Variants in SLC9B1 observed in about 807,000 individuals in gnomAD.
SLC9B1 encodes solute carrier family 9 member B1.
A neutral mutation model predicts 51.7 loss-of-function variants in SLC9B1; 32 were observed. That is an observed-to-expected ratio of 0.62 (90% CI 0.47 to 0.83). The LOEUF (loss-of-function observed/expected upper bound fraction) is 0.83, where lower values mean the gene tolerates loss of function less well. Among genes scored for constraint, SLC9B1 ranks in the 40% least tolerant of loss-of-function variants. The probability of loss-of-function intolerance (pLI) is 0.00; values close to 1 mark genes in which losing one functional copy is unlikely to be tolerated. For synonymous variants in SLC9B1, 145 were observed against 212.7 expected (o/e 0.68, Z 2.77); for missense variants, 406 against 613.2 (o/e 0.66, Z 3.57).
At chr4:102,901,898 C>T (rs942360456) in intron 11 of SLC9B1, among the ~76,000 whole-genome samples, 1 of 152,152 alleles carries the variant, frequency 6.6e-6, no homozygotes, top group Non-Finnish European at 1.5e-5. Flanking sequence ...ACTCTCTAAC[C>T]TTCTACTTAC....
chr4:102,907,096 C>G (rs986208125), intron 9 of SLC9B1, among the ~76,000 whole-genome samples: 2 of 152,154 alleles, frequency 1.3e-5, no homozygotes, highest in Non-Finnish European at 2.9e-5. Context: ...AAAAACTGAG[C>G]ACTTCAATAG....
chr4:102,893,281 C>CAAAAAAAAAAAAAAAAAAAAAAAAAAAAA, intron 11 of SLC9B1, among the ~76,000 whole-genome samples: 1 of 35,168 alleles, frequency 2.8e-5, no homozygotes, highest in East Asian at 1.1e-3. Context: ...GACTCCATCT[C>CAAAAAAAAAAAAAAAAAAAAAAAAAAAAA]AAAAAAAAAA....
At chr4:102,998,030 T>C (rs1251811973) in intron 1 of SLC9B1, among the ~76,000 whole-genome samples, 3 of 152,156 alleles carry the variant, frequency 2.0e-5, no homozygotes, top group African/African-American at 7.2e-5. Context: ...AAATTTACCA[T>C]TTTAACCACT....
chr4:102,945,181 G>A lies in SLC9B1; in HGVS notation c.653+12C>T, dbSNP rs1737206433. The A allele has an allele frequency of 1.3e-6, 2 of 1,556,264 alleles. No individual in the cohort carries two copies. The highest frequency in any genetic ancestry group is 8.7e-7 in the Non-Finnish European group (1 of 1,151,196). ...TGAATATTTTCATAAGAAAAAATGA[G>A]AAAGAAATTACCCTAATAGAAATGC... On this transcript the variant is annotated intron_variant, in intron 6 of 11. Transcript: ENST00000296422.
At chr4:102,944,856 T>C (rs1254234483) in intron 6 of SLC9B1, among the ~76,000 whole-genome samples, 1 of 152,118 alleles carries the variant, frequency 6.6e-6, no homozygotes, top group African/African-American at 2.4e-5. Flanking sequence ...TACACATACA[T>C]ATATATGAAA....
chr4:102,928,305 G>C (rs1247292186), intron 7 of SLC9B1, among the ~76,000 whole-genome samples: 10 of 152,136 alleles, frequency 6.6e-5, no homozygotes, highest in African/African-American at 2.2e-4. Flanking sequence ...TAAATCTCTA[G>C]GGCAGGGGCA....
intron 3 of SLC9B1, among the ~76,000 whole-genome samples, chr4:102,971,678 C>CA (rs1738767639): frequency 6.6e-6 from 1 of 151,998 alleles, no homozygotes; most frequent in African/African-American, 2.4e-5. Flanking sequence ...AAAAACCCTT[C>CA]AAAAAATCAA....
chr4:102,949,308 T>C lies in SLC9B1; in HGVS notation c.331A>G (p.Ile111Val). The C allele has an allele frequency of 1.9e-6, 3 of 1,608,234 alleles. No individual in the cohort carries two copies. The South Asian group carries it at 3.3e-5, about 18-fold the overall frequency. The change falls in exon 4 of 12, where the codon ATT becomes GTT. Residue 111 changes from isoleucine to valine, a missense_variant. By Grantham distance (29) the Ile-to-Val change is conservative. This residue lies in a region of SLC9B1 where 250 missense variants were observed against 394.1 expected (regional missense o/e 0.63). Coordinates refer to ENST00000296422, the MANE Select transcript of SLC9B1 (RefSeq NM_139173.4). The part of the protein sequence containing the change: ...IFYSAIIGGK[I>V]LQLIRIPLVP... Reference sequence around the variant, plus strand: ...AAAGGTATTCTAATGAGTTGTAAAATTTTTCCCCCAATAATGGCACTATAA... The same window carrying C: ...AAAGGTATTCTAATGAGTTGTAAAACTTTTCCCCCAATAATGGCACTATAA...
intron 3 of SLC9B1, among the ~76,000 whole-genome samples, chr4:102,978,515 A>G (rs1386146323): frequency 6.6e-6 from 1 of 152,234 alleles, no homozygotes; most frequent in Non-Finnish European, 1.5e-5. Flanking sequence ...GGATATGAAC[A>G]GACTTCTCAA....
At chr4:102,898,373 A>G (rs918885934), downstream of SLC9B1, 5 of 254,524 alleles carry the variant, frequency 2.0e-5, no homozygotes, top group African/African-American at 1.2e-4. Flanking sequence ...TGAACTTTAC[A>G]TACCAAGCAA....
At chr4:102,987,893 A>G (rs1319273345) in intron 3 of SLC9B1, among the ~76,000 whole-genome samples, 1 of 151,822 alleles carries the variant, frequency 6.6e-6, no homozygotes, top group Non-Finnish European at 1.5e-5. Flanking sequence ...CCTGTGACTC[A>G]CTTCTCTGAT....
At chr4:102,963,731 C>G (rs919645184) in intron 3 of SLC9B1, among the ~76,000 whole-genome samples, 2 of 151,638 alleles carry the variant, frequency 1.3e-5, no homozygotes, top group Non-Finnish European at 2.9e-5. Context: ...TTTCCCCCAG[C>G]CTATTTTTAT....
intron 11 of SLC9B1, chr4:102,885,485 C>A: frequency 7.6e-7 from 1 of 1,315,494 alleles, no homozygotes; most frequent in Non-Finnish European, 1.1e-6. Context: ...GATTGTTTCG[C>A]CTCTTAAATC....
chr4:102,909,440 T>G lies in SLC9B1; in HGVS notation c.1086+999A>C, dbSNP rs184199522. Among the ~76,000 whole-genome samples the G allele has an allele frequency of 7.8e-5, 11 of 141,144 alleles. No homozygotes were observed. The East Asian group carries it at 2.3e-3, about 29-fold the overall frequency. 92.6% of individuals were successfully genotyped at this position (141,144 alleles called of 152,430 possible). A position where few individuals can be genotyped will look rare whatever the true frequency, so the allele number is the denominator to read the frequency against. ...CAACATGGTGAAACCCCGTCTCTAC[T>G]AAAAATACAAAAATTTGCTGGGTGT... On this transcript the variant is annotated intron_variant, in intron 9 of 11. Coordinates refer to ENST00000296422, the MANE Select transcript of SLC9B1 (RefSeq NM_139173.4).
chr4:102,985,807 G>C (rs999045043), intron 3 of SLC9B1, among the ~76,000 whole-genome samples: 2 of 152,114 alleles, frequency 1.3e-5, no homozygotes, highest in African/African-American at 2.4e-5. Flanking sequence ...TTACAGGTGT[G>C]AGCCACTGTG....
chr4:103,009,474 G>T (rs1740979236), intron 1 of SLC9B1, among the ~76,000 whole-genome samples: 1 of 152,160 alleles, frequency 6.6e-6, no homozygotes, highest in Admixed American at 6.5e-5. Flanking sequence ...TTTGACAACA[G>T]CATTAATAAT....
chr4:102,993,415 C>T (rs532141725), intron 1 of SLC9B1, among the ~76,000 whole-genome samples: 9 of 152,340 alleles, frequency 5.9e-5, no homozygotes, highest in South Asian at 4.1e-4. Context: ...ATCCAGGTCA[C>T]GCTGATGCAA....
intron 6 of SLC9B1, among the ~76,000 whole-genome samples, chr4:102,943,710 A>C (rs1282914693): frequency 6.6e-6 from 1 of 152,204 alleles, no homozygotes; most frequent in African/African-American, 2.4e-5. Context: ...GCAAAAGCGT[A>C]AGAATGATAC....
At chr4:102,899,174 C>T (rs1734673023), downstream of SLC9B1, among the ~76,000 whole-genome samples, 1 of 150,572 alleles carries the variant, frequency 6.6e-6, no homozygotes, top group South Asian at 2.1e-4. Flanking sequence ...ACAACATCTG[C>T]CACACCACCT....
Sources: allele counts gnomAD v4.1 joint callset (sites outside exome capture counted in the v4.1 genomes callset), GRCh38; gene constraint gnomAD v4.1.1; regional missense constraint gnomAD v4.1.1; transcripts MANE v1.5; gene names NCBI Gene and HGNC (gene_info 2026-07-23, HGNC 2026-07-21).